The following MYH6 variants were observed in gnomAD, a reference collection of about 807,000 sequenced individuals.
MYH6 encodes myosin heavy chain 6.
MYH6 carries 126 observed loss-of-function variants against 223.2 expected under a neutral mutation model. That is an observed-to-expected ratio of 0.56 (90% CI 0.49 to 0.65). The LOEUF (loss-of-function observed/expected upper bound fraction) is 0.65, where lower values mean the gene tolerates loss of function less well. MYH6 is among the 30% of genes least tolerant of loss of function. The pLI, the probability that MYH6 is intolerant of heterozygous loss-of-function variation, is 0.00. For synonymous variants in MYH6, 978 were observed against 1,010.2 expected, an observed-to-expected ratio of 0.97 and a Z score of 0.61; for missense variants, 2,040 against 2,536.4, an observed-to-expected ratio of 0.80 and a Z score of 4.20.
chr14:23,385,999 C>G lies in MYH6; in HGVS notation c.5092G>C (p.Glu1698Gln). The stretch of plus-strand genomic sequence containing the variant: ...TGCTCCGCCAGCTTCCGGGACCGCT[C>G]TGTCTGCTCCACCACGGCACGCAGC... Reference protein sequence around the residue: ...EELRAVVEQTERSRKLAEQEL... With the variant: ...EELRAVVEQTQRSRKLAEQEL... The change falls in exon 34 of 39, where the codon GAG (glutamate) becomes CAG (glutamine). Residue 1698 changes from glutamate to glutamine, a missense_variant. Coordinates refer to ENST00000405093, the MANE Select transcript of MYH6 (RefSeq NM_002471.4). The G allele has an allele frequency of 6.2e-7, 1 of 1,614,242 alleles. No individual in the cohort carries two copies. Among genetic ancestry groups the G allele is most frequent in the Non-Finnish European group, 8.5e-7 (1 of 1,180,044 alleles).
chr14:23,397,107 T>A, intron 17 of MYH6, 27 bp from the exon 18 acceptor site: 1 of 1,614,054 alleles, frequency 6.2e-7, no homozygotes, highest in African/African-American at 1.3e-5. Context: ...GGGGAAAGGG[T>A]CAGCCTTAGG....
At chr14:23,387,024 G>A (rs1184536536) in intron 32 of MYH6, among the ~76,000 whole-genome samples, 2 of 152,184 alleles carry the variant, frequency 1.3e-5, no homozygotes, top group Admixed American at 6.5e-5. Context: ...CAGGTGCTTA[G>A]AAATGAAGAG....
intron 12 of MYH6, among the ~76,000 whole-genome samples, chr14:23,401,747 A>C (rs1237587946): frequency 6.6e-6 from 1 of 152,236 alleles, no homozygotes; most frequent in African/African-American, 2.4e-5. Context: ...TGACTGGCTG[A>C]GAGTATATCA....
In MYH6 at chr14:23,403,325, TG is replaced by T. The variant is rs940101698; in HGVS notation, c.898+22del. 10 of 1,591,586 alleles carry T rather than the reference TG, an allele frequency of 6.3e-6. No individual in the cohort carries two copies. In the East Asian group the frequency reaches 9.0e-5, roughly 14 times the overall value. On this transcript the variant is annotated intron_variant, in intron 10 of 38. Coordinates refer to ENST00000405093, the MANE Select transcript of MYH6 (RefSeq NM_002471.4). The stretch of plus-strand genomic sequence containing the variant: ...GGTGTGCAGCAGGGACAGCAGTGGG[TG>T]GGGGGTGGCAGGCAGGTTCACCCAG...
chr14:23,397,324 TC>T lies in MYH6; in HGVS notation c.1963-68del, dbSNP rs1168873339. 6 of 1,466,484 alleles carry T rather than the reference TC, an allele frequency of 4.1e-6. No individual in the cohort carries two copies. The African/African-American group carries it at 5.6e-5, about 14-fold the overall frequency. The allele number at this position is 1,466,484 out of a possible 1,614,324, so 90.8% of individuals were successfully genotyped here. On this transcript the variant is annotated intron_variant, in intron 16 of 38. Transcript: ENST00000405093. ...CATCCCTTAGGCCCTTAAACCCTGG[TC>T]CCCAGACACTCTCCACCAGAATCAT...
chr14:23,386,832 G>A (rs1251531247), intron 32 of MYH6, among the ~76,000 whole-genome samples: 2 of 152,264 alleles, frequency 1.3e-5, no homozygotes, highest in Non-Finnish European at 2.9e-5. Context: ...CAAGAAAAGG[G>A]TTTGGACCTC....
At position 23,383,227 on chromosome 14, in the gene MYH6, C is replaced by A; in HGVS notation, c.5659G>T (p.Ala1887Ser). 1 of 1,609,886 alleles carries A rather than the reference C, an allele frequency of 6.2e-7. No homozygotes were observed. The highest frequency in any genetic ancestry group is 8.5e-7 in the Non-Finnish European group (1 of 1,177,836). The change falls in exon 37 of 39, where the codon GCG becomes TCG. Residue 1887 changes from alanine to serine, a missense_variant and splice_region_variant. Ala to Ser is a moderately conservative substitution (Grantham distance 99, BLOSUM62 1). This residue lies in a region of MYH6 where 1,203 missense variants were observed against 1,400.2 expected (regional missense o/e 0.86). Coordinates refer to ENST00000405093, the MANE Select transcript of MYH6 (RefSeq NM_002471.4). The stretch of plus-strand genomic sequence containing the variant: ...AGGGAAGAAAGCTCTGAACTCACCG[C>A]CTCCTCGGCCTGGCGCTTGTAGGCC... ...VKAYKRQAEEAEEQANTNLSK... is the reference protein window; with the variant it reads ...VKAYKRQAEESEEQANTNLSK...
In MYH6 at chr14:23,407,815, C is replaced by T. The variant is rs550534874; in HGVS notation, c.-46-207G>A. On this transcript the variant is annotated intron_variant, in intron 1 of 38. Transcript: ENST00000405093. The surrounding 1 kb of genome is among the most constrained non-coding windows in gnomAD (Gnocchi z 5.6). Reference sequence around the variant, plus strand: ...ACCGAGTCAATATGAGTGCGAGGGACGGGGTGTGGAAACAGGGTTAGAAGC... The same window carrying T: ...ACCGAGTCAATATGAGTGCGAGGGATGGGGTGTGGAAACAGGGTTAGAAGC... Among the ~76,000 whole-genome samples the T allele has an allele frequency of 5.9e-5, 9 of 151,954 alleles. No homozygotes were observed. The highest frequency in any genetic ancestry group is 1.2e-4 in the Non-Finnish European group (8 of 67,966).
intron 25 of MYH6, among the ~76,000 whole-genome samples, chr14:23,391,782 T>C (rs1891243489): frequency 6.6e-6 from 1 of 152,192 alleles, no homozygotes; most frequent in African/African-American, 2.4e-5. Context: ...ACAAACCCGA[T>C]ACTAAAAGCA....
At position 23,396,423 on chromosome 14, in the gene MYH6, G is replaced by GC. The variant is rs1336370341; in HGVS notation, c.2293-4dup. The GC allele has an allele frequency of 6.2e-7, 1 of 1,613,592 alleles. No homozygotes were observed. Among genetic ancestry groups the GC allele is most frequent in the South Asian group, 1.1e-5 (1 of 91,086 alleles). On this transcript the variant is annotated splice_polypyrimidine_tract_variant and splice_region_variant and intron_variant, in intron 19 of 38. Coordinates refer to ENST00000405093, the MANE Select transcript of MYH6 (RefSeq NM_002471.4). ...AGCAGCCCTGCCTTGAAGAACACCTGCAGGCAAGGGGTAGATGCAACAGGC... is the reference window on the plus strand; with the variant it reads ...AGCAGCCCTGCCTTGAAGAACACCTGCCAGGCAAGGGGTAGATGCAACAGGC...
At position 23,401,011 on chromosome 14, in the gene MYH6, C is replaced by CTTT. The variant is rs751108399; in HGVS notation, c.1142-37_1142-35dup. On this transcript the variant is annotated intron_variant, in intron 12 of 38. Coordinates refer to ENST00000405093, the MANE Select transcript of MYH6 (RefSeq NM_002471.4). ...GAGGGAAAGGATAAGTGAGCACTTC[C>CTTT]TTTTTTTTTTTTTAAGATAGAGGCT... 13 of 1,456,164 alleles carry CTTT rather than the reference C, an allele frequency of 8.9e-6. No homozygotes were observed. The African/African-American group carries it at 1.1e-4, about 13-fold the overall frequency. The allele number at this position is 1,456,164 out of a possible 1,614,324, so 90.2% of individuals were successfully genotyped here.
chr14:23,397,414 C>T (rs938747068), intron 16 of MYH6, 129 bp downstream of exon 16: 4 of 1,307,108 alleles, frequency 3.1e-6, no homozygotes, highest in Non-Finnish European at 4.4e-6. Flanking sequence ...AATCTACACA[C>T]TAAAAAACGA....
intron 24 of MYH6, 97 bp from the exon 25 acceptor site, chr14:23,392,749 C>T: frequency 6.9e-7 from 1 of 1,442,342 alleles, no homozygotes; most frequent in Non-Finnish European, 9.7e-7. Flanking sequence ...ATCGGCACCT[C>T]CCCCTCCCCT....
intron 12 of MYH6, among the ~76,000 whole-genome samples, chr14:23,401,199 G>T (rs565889137): frequency 6.8e-4 from 104 of 152,208 alleles, no homozygotes; most frequent in Non-Finnish European, 1.3e-3. Flanking sequence ...TAGAGACAGG[G>T]TTTCACCATG....
At chr14:23,383,196 T>G in intron 37 of MYH6, 29 bp downstream of exon 37, 8 of 1,573,290 alleles carry the variant, frequency 5.1e-6, no homozygotes, top group Non-Finnish European at 7.0e-6. Flanking sequence ...GGTGTGTTGA[T>G]GAGAAAGGGA....
chr14:23,384,776 C>G lies in MYH6; in HGVS notation c.5290-59G>C, dbSNP rs533244133. 3.1e-6 allele frequency: 5 copies of G among 1,613,816 alleles called. No homozygotes were observed. In the South Asian group the frequency reaches 3.3e-5, roughly 11 times the overall value. On this transcript the variant is annotated intron_variant, in intron 35 of 38. Transcript: ENST00000405093. ...GCCAGGGGCCGGGGCCTTTTGCCCC[C>G]CAAGGATCTCCTTTCTCCCATCAGG...
rs1194099606 is a variant in MYH6, at chr14:23,388,235, T to A, written c.4279A>T (p.Ile1427Leu). The A allele has an allele frequency of 6.2e-6, 10 of 1,612,594 alleles. No homozygotes were observed. The highest frequency in any genetic ancestry group is 2.7e-5 in the African/African-American group (2 of 74,892). Residue 1427 changes from isoleucine (I) to leucine (L), a missense_variant, in exon 30 of 39, where the codon ATA becomes TTA. Around this residue, in one of 4 missense-constraint regions of MYH6, gnomAD observed 1,203 missense variants for 1,400.2 expected, o/e 0.86. Coordinates refer to ENST00000405093, the MANE Select transcript of MYH6 (RefSeq NM_002471.4). Reference protein sequence around the residue: ...EKTKHRLQNEIEDLMVDVERS... With the variant: ...EKTKHRLQNELEDLMVDVERS... ...TCTACGTCCACCATCAAGTCCTCTA[T>A]CTCATTCTGTAGCCGGTGCTTGGTC...
intron 32 of MYH6, among the ~76,000 whole-genome samples, chr14:23,387,200 T>A (rs1891055726): frequency 6.6e-6 from 1 of 152,172 alleles, no homozygotes; most frequent in Admixed American, 6.5e-5. Context: ...GCAGTGAAAG[T>A]CCTCAAGCTG....
At position 23,405,608 on chromosome 14, in the gene MYH6, G is replaced by A; in HGVS notation, c.345+19C>T. 1 of 1,614,158 alleles carries A rather than the reference G, an allele frequency of 6.2e-7. No homozygotes were observed. The highest frequency in any genetic ancestry group is 8.5e-7 in the Non-Finnish European group (1 of 1,180,004). ...CCACGCAGCACAGGAAGCCTCTGCA[G>A]TGTGCAGGAGCCACTCACATATATC... On this transcript the variant is annotated intron_variant, in intron 4 of 38. Transcript: ENST00000405093. This position sits in a 1 kb window ranked among gnomAD's most constrained non-coding sequence, Gnocchi z 4.7.
Sources: gnomAD v4.1 joint callset for allele counts (sites outside exome capture counted in the v4.1 genomes callset) on GRCh38, gnomAD v4.1.1 for gene constraint, gnomAD v4.1.1 regional missense constraint, Gnocchi (gnomAD v3.1) non-coding constraint, MANE v1.5 for transcripts, NCBI Gene and HGNC (gene_info 2026-07-23, HGNC 2026-07-21) for gene names.